NOS1AP: variants seen among roughly 807,000 people sequenced by gnomAD.
NOS1AP encodes the protein carboxyl-terminal PDZ ligand of neuronal nitric oxide synthase protein.
A neutral mutation model predicts 56.2 loss-of-function variants in NOS1AP; 21 were observed. The ratio of observed to expected loss-of-function variants is 0.37; its 90% CI spans 0.26 to 0.54. NOS1AP has a LOEUF of 0.54. Among genes scored for constraint, NOS1AP ranks in the 20% least tolerant of loss-of-function variants. The pLI, the probability that NOS1AP is intolerant of heterozygous loss-of-function variation, is 0.84. For synonymous variants in NOS1AP, 270 were observed against 274.6 expected (o/e 0.98, Z 0.17); for missense variants, 522 against 657.8 (o/e 0.79, Z 2.26).
chr1:162,279,616 G>A (rs938629509), intron 2 of NOS1AP, among the ~76,000 whole-genome samples: 4 of 152,182 alleles, frequency 2.6e-5, no homozygotes, highest in African/African-American at 9.7e-5. Flanking sequence ...CCCTTCCCAC[G>A]TTATTGACAT....
At chr1:162,230,679 C>T (rs550926749) in intron 2 of NOS1AP, among the ~76,000 whole-genome samples, 2 of 152,308 alleles carry the variant, frequency 1.3e-5, no homozygotes, top group East Asian at 3.9e-4. Flanking sequence ...CACCAGTTAA[C>T]CACGATTCTC....
At chr1:162,254,628 C>A (rs1653966035) in intron 2 of NOS1AP, among the ~76,000 whole-genome samples, 1 of 152,190 alleles carries the variant, frequency 6.6e-6, no homozygotes, top group Admixed American at 6.5e-5. Context: ...TAGCGTGTCA[C>A]AAGAGGATGC....
intron 4 of NOS1AP, among the ~76,000 whole-genome samples, chr1:162,309,283 A>T (rs1462505303): frequency 6.6e-6 from 1 of 151,568 alleles, no homozygotes; most frequent in East Asian, 1.9e-4. Flanking sequence ...TCAAACTACA[A>T]GCAAGGTAAA....
rs149174708 is a variant in NOS1AP at position 162,130,793 on chromosome 1, T to C, written c.106-23612T>C. Reference sequence around the variant, plus strand: ...TGTACCCTAACATTTGGTGGGTGAATGGATTGTTGATCATCAGAATCATCT... The same window carrying C: ...TGTACCCTAACATTTGGTGGGTGAACGGATTGTTGATCATCAGAATCATCT... On this transcript the variant is annotated intron_variant, in intron 1 of 9. Transcript: ENST00000361897. Among the ~76,000 whole-genome samples, 1,249 of 152,318 alleles carry C rather than the reference T, an allele frequency of 8.2e-3. 12 individuals carry two copies. Among genetic ancestry groups the C allele is most frequent in the Non-Finnish European group, 0.011 (733 of 68,034 alleles).
chr1:162,365,523 C>G lies in NOS1AP; in HGVS notation c.1059C>G (p.Val353=). 1.9e-6 allele frequency: 3 copies of G among 1,613,398 alleles called. No individual in the cohort carries two copies. The highest frequency in any genetic ancestry group is 2.5e-6 in the Non-Finnish European group (3 of 1,180,038). The part of the protein sequence containing the change: ...KDMLQHISLL[V]KQVQELELKL... ...TGCTCCAGCACATCTCCCTGCTGGT[C>G]AAGCAGGTGCAAGAGCTGGAACTGA... Residue 353 remains valine, a synonymous_variant, in exon 9 of 10, where the codon GTC becomes GTG. Coordinates refer to ENST00000361897, the MANE Select transcript of NOS1AP (RefSeq NM_014697.3).
At chr1:162,104,159 C>T (rs1033913855) in intron 1 of NOS1AP, among the ~76,000 whole-genome samples, 2 of 152,092 alleles carry the variant, frequency 1.3e-5, no homozygotes, top group South Asian at 2.1e-4. Context: ...TTCTCCTTTG[C>T]GTATGAAGCT....
intron 2 of NOS1AP, among the ~76,000 whole-genome samples, chr1:162,281,316 C>A (rs1654917226): frequency 1.3e-5 from 2 of 152,214 alleles, no homozygotes; most frequent in Non-Finnish European, 2.9e-5. Context: ...TTCTTGGGCT[C>A]TGTGAATAAC....
intron 4 of NOS1AP, among the ~76,000 whole-genome samples, chr1:162,314,443 A>C (rs1656163973): frequency 6.6e-6 from 1 of 152,242 alleles, no homozygotes. Context: ...CAGGCTGGTC[A>C]CAGTTCTACA....
intron 3 of NOS1AP, among the ~76,000 whole-genome samples, chr1:162,291,601 T>A (rs1305284756): frequency 6.6e-6 from 1 of 152,178 alleles, no homozygotes; most frequent in African/African-American, 2.4e-5. Context: ...AATCTTCAGG[T>A]GCATTATACT....
intron 2 of NOS1AP, among the ~76,000 whole-genome samples, chr1:162,222,596 ACT>A (rs1257636770): frequency 2.0e-5 from 3 of 152,162 alleles, no homozygotes; most frequent in African/African-American, 7.2e-5. Flanking sequence ...TTTGATGCTA[ACT>A]CTGCCTCAAC....
intron 1 of NOS1AP, among the ~76,000 whole-genome samples, chr1:162,112,802 T>C (rs778591260): frequency 6.6e-6 from 1 of 152,256 alleles, no homozygotes; most frequent in Non-Finnish European, 1.5e-5. Flanking sequence ...CAAATATAGA[T>C]GTGCATATGC....
intron 4 of NOS1AP, among the ~76,000 whole-genome samples, chr1:162,326,354 A>G (rs781391499): frequency 6.6e-6 from 1 of 152,190 alleles, no homozygotes; most frequent in African/African-American, 2.4e-5. Context: ...GGCAGTCCCC[A>G]TGGAGATGAG....
intron 4 of NOS1AP, among the ~76,000 whole-genome samples, chr1:162,304,356 T>C (rs1655748829): frequency 6.6e-6 from 1 of 152,258 alleles, no homozygotes; most frequent in African/African-American, 2.4e-5. Context: ...TATTCTGTCC[T>C]ATTTGTCTAA....
intron 4 of NOS1AP, among the ~76,000 whole-genome samples, chr1:162,322,541 G>A (rs1237008538): frequency 1.3e-5 from 2 of 152,102 alleles, no homozygotes; most frequent in South Asian, 2.1e-4. Flanking sequence ...ATCCTCAGAC[G>A]CTCAAGTGGG....
At chr1:162,133,282 C>T (rs566174551) in intron 1 of NOS1AP, among the ~76,000 whole-genome samples, 2 of 152,274 alleles carry the variant, frequency 1.3e-5, no homozygotes, top group South Asian at 4.1e-4. Context: ...TCCTAAGTTG[C>T]CTCAGAAGAT....
chr1:162,362,644 G>A (rs912374712), intron 8 of NOS1AP, among the ~76,000 whole-genome samples: 1 of 152,192 alleles, frequency 6.6e-6, no homozygotes, highest in Non-Finnish European at 1.5e-5. Context: ...AATGGAAGAT[G>A]AATAATTTAG....
intron 4 of NOS1AP, among the ~76,000 whole-genome samples, chr1:162,331,713 T>A (rs1472117399): frequency 6.6e-6 from 1 of 152,216 alleles, no homozygotes; most frequent in Non-Finnish European, 1.5e-5. Context: ...GCAGAAATGA[T>A]GTGGCCTCTT....
chr1:162,291,072 G>T (rs549643645), intron 3 of NOS1AP, among the ~76,000 whole-genome samples: 2 of 151,584 alleles, frequency 1.3e-5, no homozygotes, highest in African/African-American at 2.4e-5. Context: ...GTCTGAGTGG[G>T]TCACTATGTT....
chr1:162,124,507 G>GTGTACAC (rs77245896), intron 1 of NOS1AP, among the ~76,000 whole-genome samples: 2 of 150,544 alleles, frequency 1.3e-5, no homozygotes, highest in African/African-American at 2.4e-5. Flanking sequence ...GTGTGTGTGT[G>GTGTACAC]ACACACACAC....
Sources: gnomAD v4.1 joint callset for allele counts (sites outside exome capture counted in the v4.1 genomes callset) on GRCh38, gnomAD v4.1.1 for gene constraint, MANE v1.5 for transcripts, NCBI Gene and HGNC (gene_info 2026-07-23, HGNC 2026-07-21) for gene names.